The following PLXNA4 variants were observed in gnomAD, a reference collection of about 807,000 sequenced individuals.
PLXNA4 encodes the protein plexin-A4.
PLXNA4 carries 44 observed loss-of-function variants against 191.8 expected under a neutral mutation model. The ratio of observed to expected loss-of-function variants is 0.23; its 90% CI spans 0.18 to 0.29. The LOEUF is 0.29. PLXNA4 is among the 10% of genes least tolerant of loss of function. The pLI, the probability that PLXNA4 is intolerant of heterozygous loss-of-function variation, is 1.00. For missense variants in PLXNA4, 1,800 were observed against 2,488.8 expected (o/e 0.72, Z 5.89); for synonymous variants, 1,082 against 1,009.5 (o/e 1.07, Z -1.36).
chr7:132,516,912 G>C (rs754334502), intron 1 of PLXNA4, among the ~76,000 whole-genome samples: 1 of 152,168 alleles, frequency 6.6e-6, no homozygotes, highest in Non-Finnish European at 1.5e-5. Context: ...AGCCGAGATT[G>C]TGCCACTGCA....
chr7:132,356,696 C>A (rs1442712904), intron 3 of PLXNA4, among the ~76,000 whole-genome samples: 1 of 152,198 alleles, frequency 6.6e-6, no homozygotes, highest in East Asian at 1.9e-4. Flanking sequence ...CTAGCCCAGG[C>A]AATATTGGTT....
chr7:132,216,462 G>A (rs1797965334), intron 9 of PLXNA4, among the ~76,000 whole-genome samples: 1 of 152,132 alleles, frequency 6.6e-6, no homozygotes. Context: ...CTATCAGCAG[G>A]GACATGTTTT....
At chr7:132,371,558 A>T (rs1038123415) in intron 3 of PLXNA4, among the ~76,000 whole-genome samples, 2 of 152,180 alleles carry the variant, frequency 1.3e-5, no homozygotes, top group African/African-American at 4.8e-5. Context: ...AGGAGTTCAT[A>T]AAACTGGGGC....
At chr7:132,227,716 A>G in intron 6 of PLXNA4, 112 bp from the exon 7 acceptor site, 1 of 1,382,370 alleles carries the variant, frequency 7.2e-7, no homozygotes, top group Admixed American at 2.0e-5. Flanking sequence ...GAAAGCAAAG[A>G]CAAGCAAGAG....
At chr7:132,343,602 G>C (rs1159855151) in intron 3 of PLXNA4, among the ~76,000 whole-genome samples, 1 of 152,206 alleles carries the variant, frequency 6.6e-6, no homozygotes, top group Non-Finnish European at 1.5e-5. Context: ...GCTCAGAAGA[G>C]AGTAAGATTT....
chr7:132,188,350 A>G (rs755434768), intron 14 of PLXNA4, among the ~76,000 whole-genome samples: 3 of 152,220 alleles, frequency 2.0e-5, no homozygotes, highest in Non-Finnish European at 4.4e-5. Flanking sequence ...ATTTTAATGG[A>G]AAAACTTTCC....
rs1798411726 is a variant in PLXNA4, at chr7:132,228,496, T to C, written c.1605-27A>G. 2.5e-6 allele frequency: 4 copies of C among 1,613,086 alleles called. No homozygotes were observed. The South Asian group carries it at 4.4e-5, about 18-fold the overall frequency. ...TGGGAAGGACATACCCTCGAGTTACTCAGGAGATGGCCGCTTGGTCCAGGG... is the reference window on the plus strand; with the variant it reads ...TGGGAAGGACATACCCTCGAGTTACCCAGGAGATGGCCGCTTGGTCCAGGG... On this transcript the variant is annotated intron_variant, in intron 5 of 31. Coordinates refer to ENST00000321063, the MANE Select transcript of PLXNA4 (RefSeq NM_020911.2).
chr7:132,160,927 A>G (rs1022529713), intron 24 of PLXNA4, among the ~76,000 whole-genome samples: 9 of 84,982 alleles, frequency 1.1e-4, no homozygotes, highest in Non-Finnish European at 3.7e-4. Context: ...GAAGGGGAAG[A>G]AAAAAAAACC....
intron 3 of PLXNA4, among the ~76,000 whole-genome samples, chr7:132,350,475 G>A (rs1803435450): frequency 6.6e-6 from 1 of 152,136 alleles, no homozygotes; most frequent in South Asian, 2.1e-4. Flanking sequence ...CTGCACTCCA[G>A]CCTGGGCAAC....
intron 1 of PLXNA4, among the ~76,000 whole-genome samples, chr7:132,521,233 C>T (rs1285688550): frequency 6.8e-6 from 1 of 147,996 alleles, no homozygotes; most frequent in African/African-American, 2.5e-5. Flanking sequence ...GTTTTGGGGC[C>T]AGGCACTACT....
intron 3 of PLXNA4, among the ~76,000 whole-genome samples, chr7:132,473,665 G>A (rs533200275): frequency 6.6e-6 from 1 of 152,048 alleles, no homozygotes; most frequent in East Asian, 1.9e-4. Flanking sequence ...ATATTGTCAC[G>A]TTAAAAAGGC....
At chr7:132,180,146 C>T (rs950102026) in intron 19 of PLXNA4, among the ~76,000 whole-genome samples, 5 of 152,166 alleles carry the variant, frequency 3.3e-5, no homozygotes, top group Non-Finnish European at 5.9e-5. Context: ...TATTCAGGAG[C>T]GAGTTTTGTC....
chr7:132,333,746 T>A (rs1408685868), intron 3 of PLXNA4, among the ~76,000 whole-genome samples: 1 of 152,028 alleles, frequency 6.6e-6, no homozygotes, highest in African/African-American at 2.4e-5. Flanking sequence ...GTGAGGAAAA[T>A]CAGCTCCGGG....
intron 1 of PLXNA4, among the ~76,000 whole-genome samples, chr7:132,563,121 CTT>C (rs1801393353): frequency 1.8e-5 from 2 of 109,196 alleles, no homozygotes; most frequent in Admixed American, 8.5e-5. Context: ...CCTCCTCCTC[CTT>C]CTCCTCCTCC....
chr7:132,599,773 A>G (rs1213813773), intron 2 of PLXNA4, among the ~76,000 whole-genome samples: 1 of 152,058 alleles, frequency 6.6e-6, no homozygotes, highest in Non-Finnish European at 1.5e-5. Context: ...CTCAGTCTTA[A>G]GGTAAATACG....
chr7:132,486,890 G>A (rs1170422685), intron 3 of PLXNA4, among the ~76,000 whole-genome samples: 1 of 152,078 alleles, frequency 6.6e-6, no homozygotes, highest in East Asian at 1.9e-4. Context: ...CGCCTTGCTG[G>A]CCCAGGCTCC....
At chr7:132,211,578 G>T (rs1467048730) in intron 9 of PLXNA4, among the ~76,000 whole-genome samples, 1 of 152,226 alleles carries the variant, frequency 6.6e-6, no homozygotes, top group Non-Finnish European at 1.5e-5. Context: ...GAGAGGCAAA[G>T]CCCTGGGCCC....
At chr7:132,497,879 T>C (rs1038482388) in intron 2 of PLXNA4, among the ~76,000 whole-genome samples, 1 of 152,180 alleles carries the variant, frequency 6.6e-6, no homozygotes, top group Non-Finnish European at 1.5e-5. Flanking sequence ...TTCGGGTGTC[T>C]TTTTCAATGA....
At chr7:132,574,862 C>A (rs893516192) in intron 1 of PLXNA4, among the ~76,000 whole-genome samples, 2 of 152,340 alleles carry the variant, frequency 1.3e-5, no homozygotes, top group South Asian at 4.1e-4. Context: ...AACCCAAATT[C>A]TGAGCCTAGC....
Sources: gnomAD v4.1 joint callset for allele counts (sites outside exome capture counted in the v4.1 genomes callset) on GRCh38, gnomAD v4.1.1 for gene constraint, MANE v1.5 for transcripts, NCBI Gene and HGNC (gene_info 2026-07-23, HGNC 2026-07-21) for gene names.